Variants in PAIP1 observed in about 807,000 individuals in gnomAD.
PAIP1 encodes poly(A) binding protein interacting protein 1.
PAIP1 carries 16 observed loss-of-function variants against 61.3 expected under a neutral mutation model. That is an observed-to-expected ratio of 0.26 (90% CI 0.18 to 0.40). The LOEUF is 0.40. PAIP1 is among the 10% of genes least tolerant of loss of function. PAIP1 has a pLI of 1.00. For synonymous variants in PAIP1, 187 were observed against 226.2 expected (o/e 0.83, Z 1.56); for missense variants, 416 against 600.9 (o/e 0.69, Z 3.22).
intron 6 of PAIP1, 41 bp from the exon 7 acceptor site, chr5:43,535,681 G>A (rs183517822): frequency 7.5e-6 from 8 of 1,067,130 alleles, no homozygotes; most frequent in Non-Finnish European, 7.2e-6. Context: ...ATTCAATAGT[G>A]TATTATAGAA....
At chr5:43,540,461 C>A (rs1001019613) in intron 4 of PAIP1, among the ~76,000 whole-genome samples, 1 of 152,210 alleles carries the variant, frequency 6.6e-6, no homozygotes, top group Non-Finnish European at 1.5e-5. Context: ...CAAATACCTA[C>A]ATAATTGACT....
At chr5:43,542,494 G>A (rs1329322241) in intron 4 of PAIP1, among the ~76,000 whole-genome samples, 5 of 143,116 alleles carry the variant, frequency 3.5e-5, no homozygotes, top group South Asian at 2.2e-4. Context: ...AGAGCGTGCC[G>A]CTGCACTCCA....
Position 43,556,631 on chromosome 5 carries a change from G to C in PAIP1, c.216C>G (p.Cys72Trp), listed in dbSNP as rs1748095489. 10 of 1,262,110 alleles carry C rather than the reference G, an allele frequency of 7.9e-6. No homozygotes were observed. In the South Asian group the frequency reaches 3.0e-4, roughly 38 times the overall value. The allele number at this position is 1,262,110 out of a possible 1,614,324, so 78.2% of individuals were successfully genotyped here. ...GCCGCTGGGGGCTGGCGGGGACCTCGCACTGGGCCCCTGGCGGCGGGGTCG... is the reference window on the plus strand; with the variant it reads ...GCCGCTGGGGGCTGGCGGGGACCTCCCACTGGGCCCCTGGCGGCGGGGTCG... ...PRTTPPPGAQCEVPASPQRPS... is the reference protein window; with the variant it reads ...PRTTPPPGAQWEVPASPQRPS... The change falls in exon 1 of 11, where the codon TGC becomes TGG. Residue 72 changes from cysteine to tryptophan, a missense_variant. By Grantham distance (215) the Cys-to-Trp change is radical. Coordinates refer to ENST00000306846, the MANE Select transcript of PAIP1 (RefSeq NM_006451.5).
chr5:43,554,344 G>A (rs1747981874), intron 2 of PAIP1, among the ~76,000 whole-genome samples: 1 of 152,076 alleles, frequency 6.6e-6, no homozygotes, highest in Non-Finnish European at 1.5e-5. Context: ...TGGCTCTAAT[G>A]GTTCTTTTCC....
At chr5:43,543,310 C>CAAAAAAAAAAAAAAAAAAAAAA (rs11427976) in intron 3 of PAIP1, among the ~76,000 whole-genome samples, 194 bp from the exon 4 acceptor site, 3 of 96,042 alleles carry the variant, frequency 3.1e-5, no homozygotes, top group Admixed American at 1.0e-4. Flanking sequence ...ACAATAAGTA[C>CAAAAAAAAAAAAAAAAAAAAAA]AAAAAAAAAA....
rs775115886 is a variant in PAIP1 at position 43,555,977 on chromosome 5, A to C, written c.288T>G (p.Ala96=). The change falls in exon 2 of 11, where the codon GCT becomes GCG. Residue 96 remains alanine, a synonymous_variant. Coordinates refer to ENST00000306846, the MANE Select transcript of PAIP1 (RefSeq NM_006451.5). ...GGATTTTATCCTGTGAACTAGGTGG[A>C]GCTCTCAGGGGCCTCGTTTGCTCTG... ...ALPEQTRPLR[A]PPSSQDKIPQ... is the part of the protein sequence containing the mutation. The C allele has an allele frequency of 2.1e-5, 34 of 1,613,424 alleles. No homozygotes were observed. Among genetic ancestry groups the C allele is most frequent in the Non-Finnish European group, 2.8e-5 (33 of 1,179,872 alleles).
At chr5:43,544,195 T>C (rs540892301) in intron 3 of PAIP1, among the ~76,000 whole-genome samples, 1 of 128,826 alleles carries the variant, frequency 7.8e-6, no homozygotes, top group Admixed American at 7.9e-5. Flanking sequence ...TGGCCACAAA[T>C]GTAATTGAAC....
At position 43,527,485 on chromosome 5, in the gene PAIP1, T is replaced by C; in HGVS notation, c.1347-16A>G. ...ATCCAAGTATCTGTAAAAGCAAAGA[T>C]GATTCATAAGTGTAAGGTTTTTCAA... On this transcript the variant is annotated splice_polypyrimidine_tract_variant and intron_variant, in intron 10 of 10. Transcript: ENST00000306846. The C allele has an allele frequency of 6.3e-7, 1 of 1,595,332 alleles. No homozygotes were observed. Among genetic ancestry groups the C allele is most frequent in the Non-Finnish European group, 8.5e-7 (1 of 1,170,500 alleles).
At chr5:43,547,569 T>C (rs907153612) in intron 3 of PAIP1, among the ~76,000 whole-genome samples, 159 bp downstream of exon 3, 8 of 152,134 alleles carry the variant, frequency 5.3e-5, no homozygotes, top group Non-Finnish European at 1.2e-4. Flanking sequence ...TCCCTAACTA[T>C]AGGAGTTTTA....
At chr5:43,539,958 A>C (rs1747329411) in intron 4 of PAIP1, among the ~76,000 whole-genome samples, 1 of 152,252 alleles carries the variant, frequency 6.6e-6, no homozygotes, top group Non-Finnish European at 1.5e-5. Context: ...ACTGGTTTTG[A>C]CAGTTTTCCT....
intron 4 of PAIP1, among the ~76,000 whole-genome samples, chr5:43,542,153 G>A (rs1308137005): frequency 1.3e-5 from 2 of 151,038 alleles, no homozygotes; most frequent in Non-Finnish European, 2.9e-5. Flanking sequence ...TCCAGCCTGG[G>A]TGACAGAGCA....
intron 2 of PAIP1, among the ~76,000 whole-genome samples, chr5:43,553,484 TTGCTGTATCACCGG>T (rs1747942937): frequency 6.6e-6 from 1 of 152,224 alleles, no homozygotes; most frequent in Admixed American, 6.5e-5. Flanking sequence ...ATTTTGTTTG[TTGCTGTATCACCGG>T]TGCTTGACTC....
chr5:43,536,233 C>T (rs946353996), intron 6 of PAIP1, among the ~76,000 whole-genome samples: 4 of 152,110 alleles, frequency 2.6e-5, no homozygotes, highest in African/African-American at 9.7e-5. Flanking sequence ...CATTACTTGT[C>T]GTAAAATACA....
In PAIP1 at chr5:43,556,956, C is replaced by T. The variant is rs1748124157; in HGVS notation, c.-110G>A. 7.9e-7 allele frequency: 1 copy of T among 1,260,784 alleles called. No individual in the cohort carries two copies. The highest frequency in any genetic ancestry group is 1.0e-6 in the Non-Finnish European group (1 of 1,002,062). The allele number at this position is 1,260,784 out of a possible 1,614,324, so 78.1% of individuals were successfully genotyped here. A position where few individuals can be genotyped will look rare whatever the true frequency, so the allele number is the denominator to read the frequency against. ...TATAGCCGCCGCGCCTCACTCGGGC[C>T]TCATGGAGGAGGAGGGCGGCGGGCC... is the stretch of plus-strand genomic sequence containing the variant. On this transcript the variant is annotated 5_prime_UTR_variant, in exon 1 of 11. Coordinates refer to ENST00000306846, the MANE Select transcript of PAIP1 (RefSeq NM_006451.5).
intron 6 of PAIP1, 44 bp downstream of exon 6, chr5:43,536,775 A>G (rs756371012): frequency 5.8e-6 from 6 of 1,036,084 alleles, no homozygotes; most frequent in African/African-American, 3.2e-5. Flanking sequence ...CCTCTAAATC[A>G]TAAGTAAATA....
chr5:43,532,342 G>A (rs1011730101), intron 9 of PAIP1, among the ~76,000 whole-genome samples: 2 of 152,068 alleles, frequency 1.3e-5, no homozygotes, highest in Non-Finnish European at 2.9e-5. Context: ...CAGAAAAAAA[G>A]ATTCACACAA....
Position 43,536,916 on chromosome 5 carries a change from C to T in PAIP1, c.875G>A (p.Arg292Lys). 2 of 1,586,798 alleles carry T rather than the reference C, an allele frequency of 1.3e-6. No homozygotes were observed. Among genetic ancestry groups the T allele is most frequent in the East Asian group, 2.3e-5 (1 of 44,072 alleles). Residue 292 changes from arginine (R) to lysine (K), a missense_variant, in exon 6 of 11, where the codon AGA becomes AAA. Arg to Lys is a conservative substitution (Grantham distance 26). This residue lies in a region of PAIP1 where 135 missense variants were observed against 283.9 expected (regional missense o/e 0.48). Coordinates refer to ENST00000306846, the MANE Select transcript of PAIP1 (RefSeq NM_006451.5). ...EIKGTNGQVT[R>K]ADILQVGLRE... The stretch of plus-strand genomic sequence containing the variant: ...AAGACCAACCTGAAGAATATCTGCT[C>T]TTGTAACCTGTCCATTTGTTCCCTT...
At chr5:43,551,881 A>AT (rs1258827146) in intron 2 of PAIP1, among the ~76,000 whole-genome samples, 1 of 152,170 alleles carries the variant, frequency 6.6e-6, no homozygotes, top group Non-Finnish European at 1.5e-5. Context: ...AAGCAAAAAA[A>AT]GGAGGCATAG....
chr5:43,552,891 G>A (rs1037027018), intron 2 of PAIP1, among the ~76,000 whole-genome samples: 7 of 152,152 alleles, frequency 4.6e-5, no homozygotes, highest in African/African-American at 9.6e-5. Context: ...TTTAAAAATC[G>A]GAAGAACATC....
Sources: allele counts gnomAD v4.1 joint callset (sites outside exome capture counted in the v4.1 genomes callset), GRCh38; gene constraint gnomAD v4.1.1; regional missense constraint gnomAD v4.1.1; transcripts MANE v1.5; gene names NCBI Gene and HGNC (gene_info 2026-07-23, HGNC 2026-07-21).